The following KHDRBS2 variants were observed in gnomAD, a reference collection of about 807,000 sequenced individuals.
The protein encoded by KHDRBS2 is KH domain-containing, RNA-binding, signal transduction-associated protein 2.
In KHDRBS2, 26 loss-of-function variants were observed where a neutral mutation model predicts 44.3. That is an observed-to-expected ratio of 0.59 (90% confidence interval 0.43 to 0.81). The LOEUF (loss-of-function observed/expected upper bound fraction) is 0.81, where lower values mean the gene tolerates loss of function less well. KHDRBS2 is among the 40% of genes least tolerant of loss of function. KHDRBS2 has a pLI of 0.00. For synonymous variants in KHDRBS2, 194 were observed against 151.1 expected, an observed-to-expected ratio of 1.28 and a Z score of -2.08; for missense variants, 476 against 433.1, an observed-to-expected ratio of 1.10 and a Z score of -0.88.
chr6:61,973,128 T>A (rs570390303), intron 4 of KHDRBS2, among the ~76,000 whole-genome samples: 2 of 152,332 alleles, frequency 1.3e-5, no homozygotes, highest in East Asian at 1.9e-4. Context: ...AGTGAGACTC[T>A]GTCTCAAAAA....
At chr6:62,082,841 G>A (rs1049504526) in intron 2 of KHDRBS2, among the ~76,000 whole-genome samples, 5 of 152,112 alleles carry the variant, frequency 3.3e-5, no homozygotes, top group African/African-American at 1.2e-4. Context: ...AGGCTCAGCT[G>A]AAGTCCTCCA....
intron 1 of KHDRBS2, among the ~76,000 whole-genome samples, chr6:62,273,934 A>T (rs1840495582): frequency 6.6e-6 from 1 of 151,688 alleles, no homozygotes; most frequent in Non-Finnish European, 1.5e-5. Flanking sequence ...ATTTTACTTG[A>T]ATTCTTTTAT....
intron 1 of KHDRBS2, among the ~76,000 whole-genome samples, chr6:62,255,351 T>C (rs927724331): frequency 4.6e-5 from 7 of 152,004 alleles, no homozygotes; most frequent in Admixed American, 1.3e-4. Flanking sequence ...GTTATTTTGA[T>C]TGGATGCTAA....
At chr6:62,086,943 GAA>G (rs566790054) in intron 2 of KHDRBS2, among the ~76,000 whole-genome samples, 5 of 129,558 alleles carry the variant, frequency 3.9e-5, no homozygotes, top group Non-Finnish European at 3.3e-5. Context: ...TGCAATAACT[GAA>G]AAAAAAAAAA....
chr6:62,101,011 A>C (rs1801753592), intron 2 of KHDRBS2, among the ~76,000 whole-genome samples: 3 of 152,210 alleles, frequency 2.0e-5, no homozygotes, highest in Admixed American at 6.5e-5. Flanking sequence ...CAGAAAATCT[A>C]TCTCTAGTAT....
At chr6:62,041,275 G>A (rs1353876142) in intron 3 of KHDRBS2, among the ~76,000 whole-genome samples, 2 of 151,974 alleles carry the variant, frequency 1.3e-5, no homozygotes, top group African/African-American at 4.8e-5. Context: ...AGGTTGTAGT[G>A]AGCCGAGACT....
the KHDRBS2 span, among the ~76,000 whole-genome samples, chr6:61,667,038 G>A: frequency 7.2e-6 from 1 of 138,410 alleles, no homozygotes; most frequent in African/African-American, 2.6e-5. Flanking sequence ...TTGAAAATTA[G>A]AAAACTTCTG....
At chr6:61,816,476 G>A in intron 6 of KHDRBS2, 1 of 267,804 alleles carries the variant, frequency 3.7e-6, no homozygotes, top group South Asian at 3.5e-5. Flanking sequence ...AAAAACTGAT[G>A]GCCAACAGTA....
At chr6:61,546,932 C>G in the KHDRBS2 span, among the ~76,000 whole-genome samples, 3 of 152,068 alleles carry the variant, frequency 2.0e-5, no homozygotes, top group African/African-American at 7.2e-5. Context: ...AGTTCAGAGT[C>G]AAGGGTGACT....
chr6:62,186,895 C>T (rs1430662728), intron 1 of KHDRBS2, among the ~76,000 whole-genome samples: 2 of 152,022 alleles, frequency 1.3e-5, no homozygotes, highest in East Asian at 1.9e-4. Context: ...CGTCCCATTT[C>T]GGTCCCTTTC....
At chr6:61,902,506 AACAC>A (rs34224070) in intron 4 of KHDRBS2, among the ~76,000 whole-genome samples, 146 of 149,684 alleles carry the variant, frequency 9.8e-4, no homozygotes, top group African/African-American at 1.4e-3. Context: ...TTTACTAATC[AACAC>A]ACACACACAC....
the KHDRBS2 span, among the ~76,000 whole-genome samples, chr6:61,576,166 G>T: frequency 7.0e-6 from 1 of 142,296 alleles, no homozygotes; most frequent in African/African-American, 3.1e-5. Context: ...TCTGGAAATT[G>T]CCTCGGGCAG....
chr6:62,176,753 TAAC>T (rs1821178376), intron 2 of KHDRBS2, among the ~76,000 whole-genome samples: 1 of 151,300 alleles, frequency 6.6e-6, no homozygotes, highest in African/African-American at 2.4e-5. Flanking sequence ...AAGAGTCTAA[TAAC>T]CACCATGTGA....
intron 7 of KHDRBS2, among the ~76,000 whole-genome samples, chr6:61,716,115 C>T (rs932600656): frequency 6.6e-6 from 1 of 151,966 alleles, no homozygotes; most frequent in African/African-American, 2.4e-5. Context: ...AAAAGTAATG[C>T]AACTTCTCTT....
the KHDRBS2 span, among the ~76,000 whole-genome samples, chr6:61,551,156 A>T: frequency 6.6e-6 from 1 of 152,020 alleles, no homozygotes; most frequent in African/African-American, 2.4e-5. Context: ...TGTTGGCCAC[A>T]TGTATGTCTT....
intron 2 of KHDRBS2, among the ~76,000 whole-genome samples, chr6:62,106,113 T>A (rs1025585020): frequency 6.6e-6 from 1 of 152,198 alleles, no homozygotes; most frequent in Non-Finnish European, 1.5e-5. Context: ...AATCCTGAGT[T>A]CTAGTTTGAT....
chr6:62,264,339 T>C (rs1229961978), intron 1 of KHDRBS2, among the ~76,000 whole-genome samples: 1 of 151,848 alleles, frequency 6.6e-6, no homozygotes, highest in Non-Finnish European at 1.5e-5. Context: ...CAAAAATGCT[T>C]ATTACCTATT....
intron 1 of KHDRBS2, among the ~76,000 whole-genome samples, chr6:62,274,125 G>T (rs895195918): frequency 2.6e-5 from 4 of 151,934 alleles, no homozygotes; most frequent in Non-Finnish European, 5.9e-5. Context: ...TAGTAGACAC[G>T]GGGTTTAACC....
chr6:61,775,197 C>T (rs1455634914), intron 6 of KHDRBS2, among the ~76,000 whole-genome samples: 1 of 152,036 alleles, frequency 6.6e-6, no homozygotes, highest in Non-Finnish European at 1.5e-5. Flanking sequence ...ACTGAATGGG[C>T]AAAAACTGGA....
Sources: allele counts gnomAD v4.1 joint callset (sites outside exome capture counted in the v4.1 genomes callset), GRCh38; gene constraint gnomAD v4.1.1; transcripts MANE v1.5; gene names NCBI Gene and HGNC (gene_info 2026-07-23, HGNC 2026-07-21).